The following FDFT1 variants were observed in gnomAD, a reference collection of about 807,000 sequenced individuals.
FDFT1 encodes squalene synthase.
Under a neutral mutation model 46.8 loss-of-function variants are expected in FDFT1, and 68 were observed. The observed-to-expected ratio is 1.45, with a 90% CI of 1.19 to 1.78. FDFT1 has a LOEUF of 1.78. Among genes scored for constraint, FDFT1 ranks in the 40% most tolerant of loss-of-function variants. The pLI, the probability that FDFT1 is intolerant of heterozygous loss-of-function variation, is 0.00. For synonymous variants in FDFT1, 351 were observed against 185.1 expected, an observed-to-expected ratio of 1.90 and a Z score of -7.28; for missense variants, 928 against 524.4, an observed-to-expected ratio of 1.77 and a Z score of -7.52.
chr8:11,814,664 A>G (rs569918836), intron 3 of FDFT1, among the ~76,000 whole-genome samples: 3 of 152,308 alleles, frequency 2.0e-5, no homozygotes, highest in African/African-American at 7.2e-5. Context: ...CATCAATTCA[A>G]CTTTTTTACA....
rs757441747 is a variant in FDFT1, at chr8:11,838,569, C to T, written c.1214C>T (p.Ser405Phe). The change falls in exon 8 of 8, where the codon TCC becomes TTC. Residue 405 changes from serine to phenylalanine, a missense_variant. Transcript: ENST00000220584. The stretch of plus-strand genomic sequence containing the variant: ...AGCTGGCAGTACCTGACCACTCTCT[C>T]CCAGGTAACAGAAGACTATGTTCAG... The part of the protein sequence containing the change: ...ALSWQYLTTL[S>F]QVTEDYVQTG... The T allele has an allele frequency of 1.9e-6, 3 of 1,613,926 alleles. No homozygotes were observed. The highest frequency in any genetic ancestry group is 1.3e-5 in the African/African-American group (1 of 75,036).
intron 1 of FDFT1, among the ~76,000 whole-genome samples, chr8:11,804,612 T>TTG (rs1806580025): frequency 6.9e-6 from 1 of 144,184 alleles, no homozygotes; most frequent in East Asian, 2.0e-4. Context: ...TTTTTTTTTT[T>TTG]TTTTTTTTTG....
intron 3 of FDFT1, among the ~76,000 whole-genome samples, chr8:11,817,211 G>A (rs771465087): frequency 1.4e-4 from 22 of 152,204 alleles, no homozygotes; most frequent in African/African-American, 3.6e-4. Context: ...GCATCCCAGG[G>A]ATGAAGCCGA....
intron 4 of FDFT1, among the ~76,000 whole-genome samples, chr8:11,824,812 T>G (rs1474750176): frequency 1.3e-5 from 2 of 152,156 alleles, no homozygotes; most frequent in Non-Finnish European, 2.9e-5. Flanking sequence ...CTCGGCTCCC[T>G]GCAAGCTCCA....
chr8:11,823,064 C>T (rs542842356), intron 4 of FDFT1, among the ~76,000 whole-genome samples: 3 of 152,234 alleles, frequency 2.0e-5, no homozygotes, highest in African/African-American at 7.2e-5. Flanking sequence ...AGGTGATCCT[C>T]CCACCTCAGC....
At chr8:11,809,278 G>C (rs1807368928) in intron 2 of FDFT1, 2 of 1,102,854 alleles carry the variant, frequency 1.8e-6, no homozygotes, top group Non-Finnish European at 2.2e-6. Flanking sequence ...CATGAACTTA[G>C]ACCAGTTGCC....
At chr8:11,836,529 C>G (rs771409055) in intron 7 of FDFT1, among the ~76,000 whole-genome samples, 1 of 152,268 alleles carries the variant, frequency 6.6e-6, no homozygotes, top group Admixed American at 6.5e-5. Flanking sequence ...CCCTCAAGAT[C>G]AAGCCAACTC....
rs1811934368 is a variant in FDFT1, at chr8:11,838,800, C to T, written c.*191C>T. The T allele has an allele frequency of 5.0e-6, 3 of 595,252 alleles. No homozygotes were observed. The highest frequency in any genetic ancestry group is 5.5e-5 in the Admixed American group (2 of 36,428). 36.9% of individuals were successfully genotyped at this position (595,252 alleles called of 1,614,324 possible). ...AACATGAAAGGAAAGGGTGCCTCAT[C>T]CCAGCAACCTGTCCTTGTGGGTGAT... On this transcript the variant is annotated 3_prime_UTR_variant, in exon 8 of 8. Coordinates refer to ENST00000220584, the MANE Select transcript of FDFT1 (RefSeq NM_004462.5).
intron 1 of FDFT1, among the ~76,000 whole-genome samples, chr8:11,796,515 G>C (rs1483544288): frequency 6.6e-6 from 1 of 152,218 alleles, no homozygotes; most frequent in Non-Finnish European, 1.5e-5. Flanking sequence ...GCTTGCTGTA[G>C]TAAGGGAGTT....
At chr8:11,810,989 A>G (rs896301305) in intron 3 of FDFT1, among the ~76,000 whole-genome samples, 3 of 151,980 alleles carry the variant, frequency 2.0e-5, no homozygotes, top group Non-Finnish European at 1.5e-5. Context: ...TTGCGGTGCA[A>G]AGGCTGTTTC....
At chr8:11,834,748 C>G (rs962092795) in intron 7 of FDFT1, among the ~76,000 whole-genome samples, 1 of 152,216 alleles carries the variant, frequency 6.6e-6, no homozygotes, top group Non-Finnish European at 1.5e-5. Flanking sequence ...ACCACATGGA[C>G]TCACAGAGGA....
intron 3 of FDFT1, among the ~76,000 whole-genome samples, chr8:11,810,881 C>T (rs995122940): frequency 6.7e-6 from 1 of 148,252 alleles, no homozygotes; most frequent in Non-Finnish European, 1.5e-5. Context: ...ACAGAGAGTC[C>T]TCCACCCAAA....
chr8:11,802,545 G>A (rs918397986), upstream of FDFT1: 13 of 576,882 alleles, frequency 2.3e-5, no homozygotes, highest in African/African-American at 3.7e-5. Context: ...CTTCTAGAGT[G>A]TTATCACGCC....
At chr8:11,822,407 T>C (rs1344884515) in intron 4 of FDFT1, among the ~76,000 whole-genome samples, 1 of 151,798 alleles carries the variant, frequency 6.6e-6, no homozygotes, top group African/African-American at 2.4e-5. Flanking sequence ...TCCAAGGTCT[T>C]GGGCCTCTTA....
upstream of FDFT1, among the ~76,000 whole-genome samples, chr8:11,797,346 C>A (rs1313006265): frequency 6.6e-6 from 1 of 152,130 alleles, no homozygotes; most frequent in Non-Finnish European, 1.5e-5. Context: ...CAAGTGGACA[C>A]CTAAGTCAGA....
At position 11,804,600 on chromosome 8, in the gene FDFT1, C is replaced by CTTTTTT. The variant is rs5889385; in HGVS notation, c.99+1685_99+1690dup. On this transcript the variant is annotated intron_variant, in intron 1 of 7. Transcript: ENST00000220584. ...TTCACTTAACATTATCTTAGTTTCT[C>CTTTTTT]TTTTTTTTTTTTTTTTTTTTTGAGA... 4.9e-4 allele frequency among the ~76,000 whole-genome samples: 48 copies of CTTTTTT among 97,356 alleles called. 2 individuals are homozygous for CTTTTTT. Among genetic ancestry groups the CTTTTTT allele is most frequent in the African/African-American group, 1.5e-3 (38 of 25,352 alleles). The allele number at this position is 97,356 out of a possible 152,430, so 63.9% of individuals were successfully genotyped here.
At chr8:11,800,131 G>A (rs1805961635), upstream of FDFT1, among the ~76,000 whole-genome samples, 3 of 144,946 alleles carry the variant, frequency 2.1e-5, no homozygotes, top group Admixed American at 6.9e-5. Context: ...GTGGTGGTTG[G>A]GCGCCTGTAA....
intron 3 of FDFT1, among the ~76,000 whole-genome samples, chr8:11,813,060 G>A (rs963405043): frequency 2.0e-5 from 3 of 152,186 alleles, no homozygotes; most frequent in African/African-American, 4.8e-5. Flanking sequence ...CATCTCTACA[G>A]GATGGTACTG....
chr8:11,809,072 A>G lies in FDFT1; in HGVS notation c.197+181A>G, dbSNP rs901247009. 6.2e-6 allele frequency: 8 copies of G among 1,283,552 alleles called. 1 individual carries two copies. The highest frequency in any genetic ancestry group is 2.8e-5 in the East Asian group (1 of 35,510). The allele number at this position is 1,283,552 out of a possible 1,614,324, so 79.5% of individuals were successfully genotyped here. On this transcript the variant is annotated intron_variant, in intron 2 of 7. Coordinates refer to ENST00000220584, the MANE Select transcript of FDFT1 (RefSeq NM_004462.5). ...AGCCCTTCCAGGCTCTTTGCCATCT[A>G]GTAGAGTCCCTGCGGGCCCAGCCTT...
Sources: gnomAD v4.1 joint callset for allele counts (sites outside exome capture counted in the v4.1 genomes callset) on GRCh38, gnomAD v4.1.1 for gene constraint, MANE v1.5 for transcripts, NCBI Gene and HGNC (gene_info 2026-07-23, HGNC 2026-07-21) for gene names.